Variants in PTK2 observed in about 807,000 individuals in gnomAD.
The protein encoded by PTK2 is focal adhesion kinase 1.
Under a neutral mutation model 150.1 loss-of-function variants are expected in PTK2, and 45 were observed. The ratio of observed to expected loss-of-function variants is 0.30; its 90% confidence interval spans 0.24 to 0.38. The LOEUF (loss-of-function observed/expected upper bound fraction) is 0.38. PTK2 is among the 10% of genes least tolerant of loss of function. PTK2 has a pLI of 1.00. For missense variants in PTK2, 919 were observed against 1,307.3 expected (o/e 0.70, Z 4.58); for synonymous variants, 432 against 449.2 (o/e 0.96, Z 0.48).
chr8:140,942,064 A>G (rs2100176022), intron 1 of PTK2, among the ~76,000 whole-genome samples: 1 of 149,184 alleles, frequency 6.7e-6, no homozygotes, highest in African/African-American at 2.5e-5. Context: ...TAATTTTAAA[A>G]TTTTTTGTAG....
chr8:140,928,104 A>G (rs942579558), intron 1 of PTK2, among the ~76,000 whole-genome samples: 1 of 151,226 alleles, frequency 6.6e-6, no homozygotes, highest in Non-Finnish European at 1.5e-5. Flanking sequence ...ACGGAGCTAC[A>G]TAGTAGTTGG....
chr8:140,864,436 A>T, intron 4 of PTK2, 37 bp from the exon 5 acceptor site: 2 of 1,276,910 alleles, frequency 1.6e-6, no homozygotes, highest in Middle Eastern at 1.9e-4. Context: ...ATTAGAAATC[A>T]GTCATTTTCT....
intron 1 of PTK2, among the ~76,000 whole-genome samples, chr8:140,933,647 G>A (rs12544802): frequency 0.27 from 41,669 of 152,204 alleles, 6,066 homozygotes; most frequent in Admixed American, 0.37. Context: ...GAAGCCACAA[G>A]AGACCACATA....
chr8:140,908,557 C>G (rs1324788136), intron 2 of PTK2, among the ~76,000 whole-genome samples: 4 of 152,230 alleles, frequency 2.6e-5, no homozygotes, highest in Non-Finnish European at 4.4e-5. Context: ...GACAGGCTGT[C>G]TCTCATTAGG....
intron 19 of PTK2, 75 bp from the exon 23 acceptor site, chr8:140,743,405 A>G (rs2100056821): frequency 9.1e-7 from 1 of 1,097,206 alleles, no homozygotes; most frequent in South Asian, 1.4e-5. Flanking sequence ...ATAAAGACAT[A>G]CCAATAGGCA....
chr8:140,820,202 C>G (rs576539644), intron 8 of PTK2, among the ~76,000 whole-genome samples: 2 of 146,342 alleles, frequency 1.4e-5, no homozygotes, highest in African/African-American at 5.0e-5. Context: ...CAGGCTCAAG[C>G]GATTCTCCTG....
chr8:140,721,075 A>AT (rs796241112), intron 22 of PTK2, among the ~76,000 whole-genome samples: 7,940 of 143,808 alleles, frequency 0.055, 679 homozygotes, highest in African/African-American at 0.19. Context: ...TTCTTTCTTT[A>AT]TTTTTTTTTT....
chr8:140,836,489 G>A (rs140176026), intron 7 of PTK2, among the ~76,000 whole-genome samples: 57 of 152,310 alleles, frequency 3.7e-4, no homozygotes, highest in African/African-American at 1.3e-3. Flanking sequence ...GAGAAACACT[G>A]ATTGTCTATC....
chr8:140,806,533 G>A lies in PTK2; in HGVS notation c.868-2883C>T, dbSNP rs115083332. Reference sequence around the variant, plus strand: ...TATCTCATAATTAAAAAAAAAATTCGAAGGCACAGTAAGACATCTAGGTTA... The same window carrying A: ...TATCTCATAATTAAAAAAAAAATTCAAAGGCACAGTAAGACATCTAGGTTA... On this transcript the variant is annotated intron_variant, in intron 10 of 31. Coordinates refer to ENST00000522684, the Ensembl canonical transcript of PTK2. 4.5e-3 allele frequency among the ~76,000 whole-genome samples: 689 copies of A among 151,992 alleles called. 9 individuals are homozygous for A. Among genetic ancestry groups the A allele is most frequent in the African/African-American group, 0.015 (625 of 41,434 alleles).
In PTK2 at chr8:140,712,195, TA is replaced by T. The variant is rs76500057; in HGVS notation, c.2142+5402del. On this transcript the variant is annotated intron_variant, in intron 23 of 31. Transcript: ENST00000522684. ...ACTTAAGAATAAGCTCATCACATAC[TA>T]AAAAAAAAAAACCTACTTTTTCAAA... 6.1e-3 allele frequency among the ~76,000 whole-genome samples: 864 copies of T among 141,220 alleles called. 5 individuals are homozygous for T. Among genetic ancestry groups the T allele is most frequent in the African/African-American group, 0.017 (665 of 38,722 alleles). The allele number at this position is 141,220 out of a possible 152,430, so 92.6% of individuals were successfully genotyped here. A position where few individuals can be genotyped will look rare whatever the true frequency, so the allele number is the denominator to read the frequency against.
chr8:140,787,655 AT>A (rs1361083562), intron 14 of PTK2, among the ~76,000 whole-genome samples: 1 of 152,188 alleles, frequency 6.6e-6, no homozygotes, highest in Non-Finnish European at 1.5e-5. Context: ...GCTGGGGCCT[AT>A]TTTATTACAT....
chr8:140,732,675 C>G (rs773575244), intron 22 of PTK2: 1 of 445,616 alleles, frequency 2.2e-6, no homozygotes, highest in East Asian at 7.3e-5. Context: ...CATCTTTGCC[C>G]CAGTGACTAG....
intron 2 of PTK2, among the ~76,000 whole-genome samples, chr8:140,907,360 T>A (rs916107988): frequency 6.6e-5 from 10 of 152,092 alleles, no homozygotes; most frequent in African/African-American, 2.2e-4. Context: ...AATAAGAAAA[T>A]ACAACATCTG....
intron 8 of PTK2, among the ~76,000 whole-genome samples, chr8:140,820,377 A>G (rs1197704690): frequency 6.6e-6 from 1 of 151,708 alleles, no homozygotes; most frequent in Non-Finnish European, 1.5e-5. Flanking sequence ...CTGGGATTAT[A>G]GGCATGAGCC....
At chr8:140,797,921 C>T (rs1280331445) in intron 12 of PTK2, among the ~76,000 whole-genome samples, 1 of 152,120 alleles carries the variant, frequency 6.6e-6, no homozygotes, top group East Asian at 1.9e-4. Flanking sequence ...GCTGGAATTA[C>T]AGACATGAGC....
rs28591669 is a variant in PTK2 at position 140,929,028 on chromosome 8, G to C, written c.-121-3279C>G. ...TCGCCCAGGCTGGAGTGCAGTGGCG[G>C]GATCTCGGCTCACTGCAAGCTCCGC... On this transcript the variant is annotated intron_variant, in intron 1 of 31. Transcript: ENST00000522684. Among the ~76,000 whole-genome samples the C allele has an allele frequency of 4.3e-5, 6 of 139,872 alleles. No homozygotes were observed. The East Asian group carries it at 6.4e-4, about 15-fold the overall frequency. 91.8% of individuals were successfully genotyped at this position (139,872 alleles called of 152,430 possible). A position where few individuals can be genotyped will look rare whatever the true frequency, so the allele number is the denominator to read the frequency against.
chr8:140,659,717 T>G, intron 31 of PTK2, 39 bp from the exon 36 acceptor site: 1 of 1,477,208 alleles, frequency 6.8e-7, no homozygotes, highest in Non-Finnish European at 9.0e-7. Context: ...CTGTTTTCAG[T>G]GATTTTTTTT....
chr8:140,723,798 T>A (rs777477338), intron 22 of PTK2, among the ~76,000 whole-genome samples: 4 of 152,218 alleles, frequency 2.6e-5, no homozygotes, highest in Non-Finnish European at 5.9e-5. Flanking sequence ...ACTTTATTGA[T>A]CCACGTGCAC....
At chr8:140,800,235 A>C (rs946169948) in intron 12 of PTK2, among the ~76,000 whole-genome samples, 2 of 152,176 alleles carry the variant, frequency 1.3e-5, no homozygotes, top group Non-Finnish European at 2.9e-5. Flanking sequence ...AAACACAGAC[A>C]ATGTTTTTTT....
Sources: allele counts gnomAD v4.1 joint callset (sites outside exome capture counted in the v4.1 genomes callset), GRCh38; gene constraint gnomAD v4.1.1; transcripts MANE v1.5; gene names NCBI Gene and HGNC (gene_info 2026-07-23, HGNC 2026-07-21).